TMEM177: variants seen among roughly 807,000 people sequenced by gnomAD.
TMEM177 encodes transmembrane protein 177.
Under a neutral mutation model 14.2 loss-of-function variants are expected in TMEM177, and 4 were observed. The observed-to-expected ratio is 0.28, with a 90% CI of 0.14 to 0.64. TMEM177 has a LOEUF of 0.64. TMEM177 is among the 30% of genes least tolerant of loss of function. The probability of loss-of-function intolerance (pLI) is 0.82; values close to 1 mark genes in which losing one functional copy is unlikely to be tolerated. For missense variants in TMEM177, 344 were observed against 405.2 expected (o/e 0.85, Z 1.30); for synonymous variants, 179 against 174.5 (o/e 1.03, Z -0.20).
intron 1 of TMEM177, among the ~76,000 whole-genome samples, chr2:119,679,930 C>G (rs947190924): frequency 2.6e-5 from 4 of 152,172 alleles, no homozygotes; most frequent in African/African-American, 9.7e-5. Context: ...GGTGGCCCAA[C>G]CAGCAGAAAT....
Position 119,681,643 on chromosome 2 carries a change from T to A in TMEM177, c.790T>A (p.Leu264Met). 1.2e-6 allele frequency: 2 copies of A among 1,614,264 alleles called. No individual in the cohort carries two copies. Among genetic ancestry groups the A allele is most frequent in the Non-Finnish European group, 1.7e-6 (2 of 1,180,054 alleles). Reference sequence around the variant, plus strand: ...GGGCAACCTGGCCCTGCGCAGTCTCTTGGGCAAAGACGGGGAGAAGCTGTA... The same window carrying A: ...GGGCAACCTGGCCCTGCGCAGTCTCATGGGCAAAGACGGGGAGAAGCTGTA... ...LSGNLALRSL[L>M]GKDGEKLYTP... The change falls in exon 2 of 2, where the codon TTG becomes ATG. Residue 264 changes from leucine to methionine, a missense_variant. Coordinates refer to ENST00000272521, the MANE Select transcript of TMEM177 (RefSeq NM_030577.3).
chr2:119,683,779 C>T (rs1056003739), downstream of TMEM177, among the ~76,000 whole-genome samples: 2 of 151,568 alleles, frequency 1.3e-5, no homozygotes, highest in Non-Finnish European at 2.9e-5. Flanking sequence ...CGTGTGTGTG[C>T]GCGTGCATTG....
chr2:119,684,308 G>A (rs945320316), downstream of TMEM177, among the ~76,000 whole-genome samples: 4 of 152,090 alleles, frequency 2.6e-5, no homozygotes, highest in Admixed American at 2.0e-4. Flanking sequence ...GAATGCCCAG[G>A]GGAAACTGTT....
chr2:119,688,493 T>C (rs1388045142), downstream of TMEM177, among the ~76,000 whole-genome samples: 3 of 152,336 alleles, frequency 2.0e-5, no homozygotes, highest in East Asian at 5.8e-4. Context: ...CCTTTGCTAC[T>C]GGGCCCCAAA....
downstream of TMEM177, among the ~76,000 whole-genome samples, chr2:119,688,938 G>A (rs1411455180): frequency 6.6e-6 from 1 of 152,196 alleles, no homozygotes; most frequent in Non-Finnish European, 1.5e-5. Flanking sequence ...TGGAGCGTGG[G>A]GACAGTACTG....
chr2:119,679,516 T>G (rs1454685648), intron 1 of TMEM177: 1 of 152,138 alleles, frequency 6.6e-6, no homozygotes, highest in Non-Finnish European at 1.5e-5. Flanking sequence ...ATAATGATTC[T>G]TATAGGAGTT....
At chr2:119,690,154 T>TGG (rs1046993858), downstream of TMEM177, among the ~76,000 whole-genome samples, 1 of 152,178 alleles carries the variant, frequency 6.6e-6, no homozygotes, top group Admixed American at 6.5e-5. Flanking sequence ...GATTGGATCG[T>TGG]GGGGGTGGCT....
the TMEM177 span, among the ~76,000 whole-genome samples, chr2:119,692,201 G>A: frequency 6.6e-6 from 1 of 152,232 alleles, no homozygotes; most frequent in African/African-American, 2.4e-5. Flanking sequence ...CTGTGCCTGA[G>A]CTGGTGGCAG....
chr2:119,715,692 C>G, the TMEM177 span, among the ~76,000 whole-genome samples: 1 of 152,226 alleles, frequency 6.6e-6, no homozygotes, highest in Non-Finnish European at 1.5e-5. Flanking sequence ...CTGAGAAGGA[C>G]CAGCGGAACT....
the TMEM177 span, among the ~76,000 whole-genome samples, chr2:119,695,941 C>T: frequency 6.6e-6 from 1 of 152,194 alleles, no homozygotes; most frequent in South Asian, 2.1e-4. Context: ...TGCAGGGGCC[C>T]ACTGCAAGCA....
At chr2:119,718,958 G>T in the TMEM177 span, among the ~76,000 whole-genome samples, 1 of 152,190 alleles carries the variant, frequency 6.6e-6, no homozygotes, top group African/African-American at 2.4e-5. Context: ...TGGCAATGTT[G>T]TTAAAGTGCA....
the TMEM177 span, among the ~76,000 whole-genome samples, chr2:119,699,596 C>A: frequency 6.6e-6 from 1 of 152,218 alleles, no homozygotes; most frequent in African/African-American, 2.4e-5. Flanking sequence ...CTCCTCCCCA[C>A]TGCAAAAGGA....
At chr2:119,716,945 C>T in the TMEM177 span, among the ~76,000 whole-genome samples, 5 of 152,164 alleles carry the variant, frequency 3.3e-5, no homozygotes, top group South Asian at 2.1e-4. Context: ...GAGTTTTGAA[C>T]GTAAAAACAT....
chr2:119,700,848 A>G, the TMEM177 span, among the ~76,000 whole-genome samples: 1 of 152,184 alleles, frequency 6.6e-6, no homozygotes, highest in African/African-American at 2.4e-5. Flanking sequence ...GGCCTCTTTC[A>G]TGAATAGGTA....
At chr2:119,720,669 G>A in the TMEM177 span, among the ~76,000 whole-genome samples, 4 of 152,128 alleles carry the variant, frequency 2.6e-5, no homozygotes, top group African/African-American at 9.6e-5. Context: ...CTGAAATTTC[G>A]TGCCAGCCTT....
chr2:119,694,170 AACAC>A, the TMEM177 span, among the ~76,000 whole-genome samples: 1 of 147,308 alleles, frequency 6.8e-6, no homozygotes, highest in Non-Finnish European at 1.5e-5. Context: ...CGTGCCACAC[AACAC>A]ACAAACACAC....
chr2:119,709,851 A>AT, the TMEM177 span, among the ~76,000 whole-genome samples: 1 of 152,104 alleles, frequency 6.6e-6, no homozygotes, highest in African/African-American at 2.4e-5. Flanking sequence ...AAATAAATAA[A>AT]AAGGAGTTTT....
chr2:119,686,768 A>G (rs144132457), downstream of TMEM177, among the ~76,000 whole-genome samples: 142 of 151,644 alleles, frequency 9.4e-4, 1 homozygote, highest in African/African-American at 3.3e-3. Flanking sequence ...GGGTTTTACT[A>G]TGTTACCCAG....
At chr2:119,696,225 C>G in the TMEM177 span, among the ~76,000 whole-genome samples, 6 of 152,200 alleles carry the variant, frequency 3.9e-5, no homozygotes, top group African/African-American at 1.4e-4. Context: ...GAGGGCAGAG[C>G]TCAGTCCTCA....
Sources: gnomAD v4.1 joint callset for allele counts (sites outside exome capture counted in the v4.1 genomes callset) on GRCh38, gnomAD v4.1.1 for gene constraint, MANE v1.5 for transcripts, NCBI Gene and HGNC (gene_info 2026-07-23, HGNC 2026-07-21) for gene names.